PLXND1: variants seen among roughly 807,000 people sequenced by gnomAD.
PLXND1 encodes plexin-D1.
In PLXND1, 54 loss-of-function variants were observed where a neutral mutation model predicts 197.7. That is an observed-to-expected ratio of 0.27 (90% CI 0.22 to 0.34). The LOEUF (loss-of-function observed/expected upper bound fraction) is 0.34, where lower values mean the gene tolerates loss of function less well. Among genes scored for constraint, PLXND1 ranks in the 10% least tolerant of loss-of-function variants. The pLI is 1.00. For missense variants in PLXND1, 2,127 were observed against 2,699.2 expected (o/e 0.79, Z 4.70); for synonymous variants, 1,180 against 1,161.2 (o/e 1.02, Z -0.33).
chr3:129,586,059 T>C lies in PLXND1; in HGVS notation c.1744A>G (p.Thr582Ala), dbSNP rs2108791250. Residue 582 changes from threonine (T) to alanine (A), a missense_variant, in exon 5 of 36, where the codon ACC becomes GCC. Thr to Ala is a moderately conservative substitution (Grantham distance 58). Transcript: ENST00000324093. Reference sequence around the variant, plus strand: ...CAGAAATGCTGCTGGCTGGAATTGGTGCAGTCCTGCTGCAAGGTGCACCTG... The same window carrying C: ...CAGAAATGCTGCTGGCTGGAATTGGCGCAGTCCTGCTGCAAGGTGCACCTG... ...ETRCTLQQDC[T>A]NSSQQHFWTS... 6.2e-7 allele frequency: 1 copy of C among 1,613,906 alleles called. No individual in the cohort carries two copies.
chr3:129,587,864 A>C (rs2085483169), intron 2 of PLXND1, among the ~76,000 whole-genome samples: 2 of 152,172 alleles, frequency 1.3e-5, no homozygotes, highest in Non-Finnish European at 2.9e-5. Context: ...ACACCAACTC[A>C]AAATTACCTT....
Position 129,556,231 on chromosome 3 carries a change from A to C in PLXND1, c.*81T>G. The C allele has an allele frequency of 1.1e-6, 1 of 939,732 alleles. No individual in the cohort carries two copies. Among genetic ancestry groups the C allele is most frequent in the Non-Finnish European group, 1.7e-6 (1 of 579,118 alleles). 58.2% of individuals were successfully genotyped at this position (939,732 alleles called of 1,614,324 possible). A position where few individuals can be genotyped will look rare whatever the true frequency, so the allele number is the denominator to read the frequency against. ...CTCAGTATTTCCCAGTCTGAGTCACAGGCACGGGGTAGAAGATCAAGTTGA... is the reference window on the plus strand; with the variant it reads ...CTCAGTATTTCCCAGTCTGAGTCACCGGCACGGGGTAGAAGATCAAGTTGA... On this transcript the variant is annotated 3_prime_UTR_variant, in exon 36 of 36. Coordinates refer to ENST00000324093, the MANE Select transcript of PLXND1 (RefSeq NM_015103.3).
At chr3:129,567,904 A>T in intron 20 of PLXND1, 99 bp from the exon 21 acceptor site, 1 of 408,078 alleles carries the variant, frequency 2.5e-6, no homozygotes, top group Non-Finnish European at 4.5e-6. Flanking sequence ...TCCTCTGGGC[A>T]GGGTGTGGGA....
Position 129,586,229 on chromosome 3 carries a change from C to T in PLXND1, c.1664G>A (p.Cys555Tyr), listed in dbSNP as rs774399373. The T allele has an allele frequency of 6.2e-7, 1 of 1,600,168 alleles. No homozygotes were observed. The highest frequency in any genetic ancestry group is 1.1e-5 in the South Asian group (1 of 90,370). The stretch of plus-strand genomic sequence containing the variant: ...GTCCGCCGCACCCACGCAGTCCCCA[C>T]AGGTGGAGTGCACGTTGCAGGCGGC... ...KVAACNVHST[C>Y]GDCVGAADAY... The change falls in exon 4 of 36, where the codon TGT becomes TAT. Residue 555 changes from cysteine to tyrosine, a missense_variant. Cys to Tyr is a radical substitution (Grantham distance 194). Coordinates refer to ENST00000324093, the MANE Select transcript of PLXND1 (RefSeq NM_015103.3).
intron 3 of PLXND1, 118 bp downstream of exon 3, chr3:129,586,470 G>T: frequency 7.8e-7 from 1 of 1,281,802 alleles, no homozygotes; most frequent in Non-Finnish European, 1.1e-6. Context: ...GGAGTTAGCA[G>T]ATAAGGGAGA....
At chr3:129,600,607 G>A (rs1310553448) in intron 1 of PLXND1, among the ~76,000 whole-genome samples, 1 of 151,892 alleles carries the variant, frequency 6.6e-6, no homozygotes, top group Non-Finnish European at 1.5e-5. Flanking sequence ...TCAGGGCTGG[G>A]AGGGATGTCT....
chr3:129,566,932 T>A (rs763987420), intron 22 of PLXND1, among the ~76,000 whole-genome samples: 7 of 152,162 alleles, frequency 4.6e-5, no homozygotes, highest in Non-Finnish European at 1.0e-4. Context: ...GAAAAGCTAC[T>A]GGAGGGTTTC....
intron 11 of PLXND1, 129 bp from the exon 12 acceptor site, chr3:129,574,619 G>T: frequency 1.0e-6 from 1 of 955,490 alleles, no homozygotes; most frequent in Non-Finnish European, 1.5e-6. Context: ...CCCAGAGGAA[G>T]TCCTGATTCT....
At chr3:129,574,163 C>T (rs2085276514) in intron 12 of PLXND1, among the ~76,000 whole-genome samples, 173 bp downstream of exon 12, 1 of 152,220 alleles carries the variant, frequency 6.6e-6, no homozygotes, top group Admixed American at 6.5e-5. Flanking sequence ...CCACCTCCCC[C>T]ACTGAAACAT....
chr3:129,565,261 TG>T, intron 25 of PLXND1, 78 bp downstream of exon 25: 1 of 1,252,026 alleles, frequency 8.0e-7, no homozygotes, highest in Non-Finnish European at 1.2e-6. Context: ...AGGGAAGGCC[TG>T]GGAGGCCGTG....
At position 129,603,759 on chromosome 3, in the gene PLXND1, G is replaced by A. The variant is rs138614870; in HGVS notation, c.1311+1570C>T. 3.2e-3 allele frequency among the ~76,000 whole-genome samples: 490 copies of A among 152,316 alleles called. 4 individuals are homozygous for A. Among genetic ancestry groups the A allele is most frequent in the African/African-American group, 0.011 (475 of 41,568 alleles). On this transcript the variant is annotated intron_variant, in intron 1 of 35. Coordinates refer to ENST00000324093, the MANE Select transcript of PLXND1 (RefSeq NM_015103.3). Reference sequence around the variant, plus strand: ...GTGTTGGGCCCGCCCACAGAGGAATGGTTAATCTCATGAAATTCTTGTCAC... The same window carrying A: ...GTGTTGGGCCCGCCCACAGAGGAATAGTTAATCTCATGAAATTCTTGTCAC...
Position 129,566,106 on chromosome 3 carries a change from G to A in PLXND1, c.4192-89C>T, listed in dbSNP as rs556841239. On this transcript the variant is annotated intron_variant, in intron 23 of 35. Coordinates refer to ENST00000324093, the MANE Select transcript of PLXND1 (RefSeq NM_015103.3). The stretch of plus-strand genomic sequence containing the variant: ...CAGTGCTTACGACGGCTGCTTGTAT[G>A]CCTCCTGGGATGGGGAGCTCATTAC... 23 of 1,417,102 alleles carry A rather than the reference G, an allele frequency of 1.6e-5. No individual in the cohort carries two copies. In the Admixed American group the frequency reaches 2.6e-4, roughly 16 times the overall value. 87.8% of individuals were successfully genotyped at this position (1,417,102 alleles called of 1,614,324 possible). A position where few individuals can be genotyped will look rare whatever the true frequency, so the allele number is the denominator to read the frequency against.
At position 129,586,180 on chromosome 3, in the gene PLXND1, C is replaced by T. The variant is rs1004541946; in HGVS notation, c.1713G>A (p.Leu571=). Residue 571 remains leucine (L), a synonymous_variant, in exon 4 of 36, where the codon CTG becomes CTA. Coordinates refer to ENST00000324093, the MANE Select transcript of PLXND1 (RefSeq NM_015103.3). ...CTGGTGTCCAGCCTCACCGCGTCTCCAGGGCACACCAGCCGCAGTAGGCGT... is the reference window on the plus strand; with the variant it reads ...CTGGTGTCCAGCCTCACCGCGTCTCTAGGGCACACCAGCCGCAGTAGGCGT... ...AADAYCGWCA[L]ETRCTLQQDC... is the part of the protein sequence containing the mutation. The T allele has an allele frequency of 1.2e-6, 2 of 1,606,244 alleles. No homozygotes were observed. The highest frequency in any genetic ancestry group is 1.7e-6 in the Non-Finnish European group (2 of 1,178,470).
At chr3:129,571,333 G>C in intron 17 of PLXND1, 30 bp from the exon 18 acceptor site, 1 of 1,600,708 alleles carries the variant, frequency 6.2e-7, no homozygotes, top group Non-Finnish European at 8.5e-7. Flanking sequence ...GGCCCAGGCC[G>C]GGATGCAGGA....
chr3:129,570,771 G>A lies in PLXND1; in HGVS notation c.3750+15C>T, dbSNP rs1158244751. Reference sequence around the variant, plus strand: ...GGGGCCAGGTCTGCCCTGCTCCGGCGCCCCATCCACTCACTGTGATGGGCA... The same window carrying A: ...GGGGCCAGGTCTGCCCTGCTCCGGCACCCCATCCACTCACTGTGATGGGCA... On this transcript the variant is annotated intron_variant, in intron 19 of 35. Coordinates refer to ENST00000324093, the MANE Select transcript of PLXND1 (RefSeq NM_015103.3). 1.4e-5 allele frequency: 23 copies of A among 1,612,906 alleles called. No homozygotes were observed. The highest frequency in any genetic ancestry group is 1.3e-4 in the East Asian group (6 of 44,878).
At chr3:129,574,512 C>T (rs745813399) in intron 11 of PLXND1, 22 bp from the exon 12 acceptor site, 15 of 1,607,326 alleles carry the variant, frequency 9.3e-6, no homozygotes, top group Admixed American at 3.3e-5. Flanking sequence ...CGGGGCAGCT[C>T]GGTCAGCCCC....
At chr3:129,576,959 C>T (rs1020528299) in intron 9 of PLXND1, among the ~76,000 whole-genome samples, 6 of 152,136 alleles carry the variant, frequency 3.9e-5, no homozygotes, top group East Asian at 3.9e-4. Flanking sequence ...CAGCCAGCTG[C>T]GTGGCAGAGC....
intron 1 of PLXND1, among the ~76,000 whole-genome samples, chr3:129,596,761 C>T (rs1429316189): frequency 6.6e-6 from 1 of 152,244 alleles, no homozygotes; most frequent in Non-Finnish European, 1.5e-5. Context: ...CGGGGTCCAG[C>T]CCATATGCCT....
At chr3:129,575,937 C>A in intron 9 of PLXND1, 82 bp from the exon 10 acceptor site, 1 of 800,654 alleles carries the variant, frequency 1.2e-6, no homozygotes, top group Non-Finnish European at 2.2e-6. Context: ...CAGGACACCA[C>A]GGGCTCCTGC....
Sources: allele counts gnomAD v4.1 joint callset (sites outside exome capture counted in the v4.1 genomes callset), GRCh38; gene constraint gnomAD v4.1.1; transcripts MANE v1.5; gene names NCBI Gene and HGNC (gene_info 2026-07-23, HGNC 2026-07-21).